CGNL1: variants seen among roughly 807,000 people sequenced by gnomAD.
The protein encoded by CGNL1 is cingulin-like protein 1.
In CGNL1, 132 loss-of-function variants were observed where a neutral mutation model predicts 141.2. The ratio of observed to expected loss-of-function variants is 0.93; its 90% CI spans 0.81 to 1.08. CGNL1 has a LOEUF of 1.08. Among genes scored for constraint, CGNL1 ranks in the 50% least tolerant of loss-of-function variants. CGNL1 has a pLI of 0.00. For missense variants in CGNL1, 1,870 were observed against 1,588.6 expected (o/e 1.18, Z -3.01); for synonymous variants, 690 against 622.1 (o/e 1.11, Z -1.63).
intron 8 of CGNL1, among the ~76,000 whole-genome samples, chr15:57,483,926 C>T (rs879282643): frequency 1.3e-5 from 2 of 152,168 alleles, no homozygotes; most frequent in Admixed American, 1.3e-4. Context: ...ACCAGCCTAG[C>T]ATTCCTGGAA....
chr15:57,500,142 G>T (rs2064001943), intron 8 of CGNL1, among the ~76,000 whole-genome samples: 1 of 152,180 alleles, frequency 6.6e-6, no homozygotes, highest in South Asian at 2.1e-4. Flanking sequence ...GGTTGAGAAG[G>T]AAGTGTGAGA....
intron 8 of CGNL1, among the ~76,000 whole-genome samples, chr15:57,485,141 A>G (rs1013215069): frequency 5.3e-5 from 8 of 152,034 alleles, no homozygotes; most frequent in Non-Finnish European, 8.8e-5. Flanking sequence ...GTGTGTGTTT[A>G]AAACAAAATT....
chr15:57,533,784 G>T (rs1322226045), intron 14 of CGNL1, among the ~76,000 whole-genome samples: 1 of 152,192 alleles, frequency 6.6e-6, no homozygotes, highest in Non-Finnish European at 1.5e-5. Flanking sequence ...GAATAGAACT[G>T]CTGTCCATGA....
At chr15:57,507,897 A>G (rs61559769) in intron 8 of CGNL1, among the ~76,000 whole-genome samples, 1,881 of 152,352 alleles carry the variant, frequency 0.012, 43 homozygotes, top group African/African-American at 0.042. Context: ...ACATTGAAAC[A>G]AGATAGACTG....
At chr15:57,399,326 C>G (rs7161907) in intron 1 of CGNL1, among the ~76,000 whole-genome samples, 59,966 of 152,018 alleles carry the variant, frequency 0.39, 12,243 homozygotes, top group Non-Finnish European at 0.46. Context: ...CTCTACCTTT[C>G]CTAGCCTCTA....
At chr15:57,409,477 C>A in intron 1 of CGNL1, among the ~76,000 whole-genome samples, 1 of 152,172 alleles carries the variant, frequency 6.6e-6, no homozygotes, top group East Asian at 1.9e-4. Flanking sequence ...AGCCTGAAGA[C>A]TGAGGATCAA....
At chr15:57,544,619 C>A (rs765169149) in intron 16 of CGNL1, 22 bp downstream of exon 16, 1 of 1,560,798 alleles carries the variant, frequency 6.4e-7, no homozygotes, top group Non-Finnish European at 8.7e-7. Flanking sequence ...CCACCCACTG[C>A]AGTGCGGAGG....
Position 57,544,516 on chromosome 15 carries a change from AC to A in CGNL1, c.3420del (p.Tyr1140Ter). 1 of 1,613,556 alleles carries A rather than the reference AC, an allele frequency of 6.2e-7. No homozygotes were observed. The highest frequency in any genetic ancestry group is 8.5e-7 in the Non-Finnish European group (1 of 1,179,818). On this transcript the variant is annotated frameshift_variant, in exon 16 of 19. Transcript: ENST00000281282. LOFTEE classifies it high-confidence loss of function. ...CGGATTATCCACCTGGAAGGTTCCT[AC>A]AGGTCCAGCAAAGAGGGGCTGGTTG... Reference protein sequence around the residue: ...KSRIIHLEGSYRSSKEGLVVQ... With the variant: ...KSRIIHLEGSXRSSKEGLVVQ...
intron 1 of CGNL1, among the ~76,000 whole-genome samples, chr15:57,416,110 A>G (rs913307662): frequency 3.3e-5 from 5 of 152,096 alleles, no homozygotes; most frequent in Non-Finnish European, 5.9e-5. Flanking sequence ...GTGTACTACA[A>G]TTGAAAAGGT....
chr15:57,403,216 C>T (rs61012855), intron 1 of CGNL1, among the ~76,000 whole-genome samples: 19,410 of 152,178 alleles, frequency 0.13, 1,417 homozygotes, highest in African/African-American at 0.19. Context: ...CCAGCCTGCC[C>T]CTGACTCATG....
At chr15:57,521,072 C>T (rs2031220730) in intron 10 of CGNL1, among the ~76,000 whole-genome samples, 1 of 152,158 alleles carries the variant, frequency 6.6e-6, no homozygotes, top group Non-Finnish European at 1.5e-5. Context: ...CATTGATGAG[C>T]TTGTATTCCT....
chr15:57,538,811 G>A (rs1409829647), intron 14 of CGNL1, among the ~76,000 whole-genome samples: 4 of 152,168 alleles, frequency 2.6e-5, no homozygotes, highest in African/African-American at 7.2e-5. Context: ...CCACAGTCCC[G>A]GTCTAAACTC....
intron 8 of CGNL1, among the ~76,000 whole-genome samples, chr15:57,474,829 A>G (rs2063631000): frequency 6.6e-6 from 1 of 152,252 alleles, no homozygotes; most frequent in Non-Finnish European, 1.5e-5. Context: ...CTTTCAAAAA[A>G]CAGTGTGTAA....
At chr15:57,472,999 T>C (rs993341228) in intron 8 of CGNL1, among the ~76,000 whole-genome samples, 19 of 152,276 alleles carry the variant, frequency 1.2e-4, no homozygotes, top group African/African-American at 4.3e-4. Context: ...GAGCCATCCA[T>C]GGACACTGCC....
intron 1 of CGNL1, among the ~76,000 whole-genome samples, chr15:57,423,981 C>T (rs971628243): frequency 6.6e-6 from 1 of 152,222 alleles, no homozygotes; most frequent in Non-Finnish European, 1.5e-5. Flanking sequence ...CCTAGCTGAG[C>T]TCCTCCAGTC....
intron 1 of CGNL1, chr15:57,407,314 ATTAC>A (rs1409004498): frequency 2.6e-5 from 4 of 152,118 alleles, no homozygotes. Context: ...TATTTTGTGA[ATTAC>A]TTCTATTCTT....
chr15:57,475,813 C>A (rs1256083241), intron 8 of CGNL1, among the ~76,000 whole-genome samples: 1 of 152,022 alleles, frequency 6.6e-6, no homozygotes, highest in Non-Finnish European at 1.5e-5. Flanking sequence ...CTCATATTAG[C>A]CTGTCTGTCC....
At chr15:57,462,871 CTTAT>C (rs1334310372) in intron 8 of CGNL1, among the ~76,000 whole-genome samples, 2 of 152,052 alleles carry the variant, frequency 1.3e-5, no homozygotes, top group African/African-American at 4.8e-5. Flanking sequence ...ATTTCCCTGT[CTTAT>C]TTTTTTTTAG....
chr15:57,423,986 C>T (rs1395400169), intron 1 of CGNL1, among the ~76,000 whole-genome samples: 3 of 152,244 alleles, frequency 2.0e-5, no homozygotes, highest in Middle Eastern at 6.3e-3. Flanking sequence ...CTGAGCTCCT[C>T]CAGTCCCCGG....
Sources: gnomAD v4.1 joint callset for allele counts (sites outside exome capture counted in the v4.1 genomes callset) on GRCh38, gnomAD v4.1.1 for gene constraint, MANE v1.5 for transcripts, NCBI Gene and HGNC (gene_info 2026-07-23, HGNC 2026-07-21) for gene names.